CXADR: variants seen among roughly 807,000 people sequenced by gnomAD.
CXADR encodes the protein coxsackievirus and adenovirus receptor.
In CXADR, 20 loss-of-function variants were observed where a neutral mutation model predicts 40.3. That is an observed-to-expected ratio of 0.50 (90% CI 0.35 to 0.72). The LOEUF is 0.72. CXADR is among the 30% of genes least tolerant of loss of function. The pLI, the probability that CXADR is intolerant of heterozygous loss-of-function variation, is 0.01. For missense variants in CXADR, 332 were observed against 449.1 expected (o/e 0.74, Z 2.36); for synonymous variants, 150 against 161.3 (o/e 0.93, Z 0.53).
In CXADR at chr21:17,513,191, G is replaced by C. The variant is rs1258226280; in HGVS notation, c.43+19G>C. ...GTAGTGGGTGAGTAGGGGCCATGGGGTCCTCAGCACCCGCCCAGCCCGGGG... is the reference window on the plus strand; with the variant it reads ...GTAGTGGGTGAGTAGGGGCCATGGGCTCCTCAGCACCCGCCCAGCCCGGGG... On this transcript the variant is annotated intron_variant, in intron 1 of 6. Coordinates refer to ENST00000284878, the MANE Select transcript of CXADR (RefSeq NM_001338.5). 7.3e-7 allele frequency: 1 copy of C among 1,360,892 alleles called. No homozygotes were observed. The highest frequency in any genetic ancestry group is 2.0e-5 in the South Asian group (1 of 50,314). 84.3% of individuals were successfully genotyped at this position (1,360,892 alleles called of 1,614,324 possible). A position where few individuals can be genotyped will look rare whatever the true frequency, so the allele number is the denominator to read the frequency against.
chr21:17,593,124 A>G (rs1378781188), intron 7 of CXADR: 33 of 1,391,194 alleles, frequency 2.4e-5, no homozygotes, highest in Non-Finnish European at 3.0e-5. Flanking sequence ...AAACTCTTAT[A>G]GAGATATCTC....
chr21:17,617,501 C>T, the CXADR span, among the ~76,000 whole-genome samples: 1 of 152,134 alleles, frequency 6.6e-6, no homozygotes, highest in African/African-American at 2.4e-5. Flanking sequence ...CGGCATACCT[C>T]GGAGATATTG....
chr21:17,525,580 A>G (rs562261070), intron 1 of CXADR, among the ~76,000 whole-genome samples: 2 of 152,258 alleles, frequency 1.3e-5, no homozygotes, highest in South Asian at 4.1e-4. Context: ...GATTTCTGTC[A>G]AGGACCAGAT....
intron 1 of CXADR, among the ~76,000 whole-genome samples, chr21:17,513,666 C>T (rs1489760227): frequency 6.6e-6 from 1 of 152,222 alleles, no homozygotes. Flanking sequence ...TGCCCGGTGC[C>T]TCGGATCGGC....
Position 17,513,187 on chromosome 21 carries a change from T to G in CXADR, c.43+15T>G. 1 of 1,361,364 alleles carries G rather than the reference T, an allele frequency of 7.3e-7. No homozygotes were observed. Among genetic ancestry groups the G allele is most frequent in the Non-Finnish European group, 9.5e-7 (1 of 1,054,040 alleles). 84.3% of individuals were successfully genotyped at this position (1,361,364 alleles called of 1,614,324 possible). On this transcript the variant is annotated intron_variant, in intron 1 of 6. Coordinates refer to ENST00000284878, the MANE Select transcript of CXADR (RefSeq NM_001338.5). ...CGGAGTAGTGGGTGAGTAGGGGCCA[T>G]GGGGTCCTCAGCACCCGCCCAGCCC...
chr21:17,599,213 T>C, the CXADR span: 3 of 186,710 alleles, frequency 1.6e-5, no homozygotes, highest in Non-Finnish European at 3.3e-5. Context: ...TTTCACTCTG[T>C]TGCCCAGGCT....
At chr21:17,584,768 T>C (rs1473826613) in intron 7 of CXADR, among the ~76,000 whole-genome samples, 1 of 152,030 alleles carries the variant, frequency 6.6e-6, no homozygotes, top group Non-Finnish European at 1.5e-5. Context: ...GAGGCGGAGG[T>C]TGCAGTGAGC....
downstream of CXADR, among the ~76,000 whole-genome samples, chr21:17,594,996 T>C (rs999493842): frequency 6.9e-6 from 1 of 144,402 alleles, no homozygotes; most frequent in African/African-American, 2.6e-5. Context: ...AAACCTAAAA[T>C]AAAAGTTAAA....
intron 3 of CXADR, among the ~76,000 whole-genome samples, chr21:17,555,965 TG>T (rs2061029736): frequency 6.6e-6 from 1 of 152,226 alleles, no homozygotes; most frequent in Non-Finnish European, 1.5e-5. Flanking sequence ...TCCAGTAGAC[TG>T]GTGCAGCCAC....
chr21:17,524,575 CAAAAAAAAAAA>C (rs71189539), intron 1 of CXADR, among the ~76,000 whole-genome samples: 5 of 43,828 alleles, frequency 1.1e-4, no homozygotes, highest in African/African-American at 3.9e-4. Flanking sequence ...GACTCTATCT[CAAAAAAAAAAA>C]AAAAAAAAAA....
chr21:17,568,694 T>TC lies in CXADR; in HGVS notation c.*3003dup. The stretch of plus-strand genomic sequence containing the variant: ...GTGTGAGCCGCAGCATCCAGCCAGT[T>TC]CTGTACTTTGAATATGGAGTAGTTT... On this transcript the variant is annotated 3_prime_UTR_variant, in exon 7 of 7. Transcript: ENST00000284878. The TC allele has an allele frequency of 1.0e-6, 1 of 985,282 alleles. No homozygotes were observed. The highest frequency in any genetic ancestry group is 1.2e-6 in the Non-Finnish European group (1 of 829,922). 61.0% of individuals were successfully genotyped at this position (985,282 alleles called of 1,614,324 possible). A position where few individuals can be genotyped will look rare whatever the true frequency, so the allele number is the denominator to read the frequency against.
the CXADR span, among the ~76,000 whole-genome samples, chr21:17,609,726 GCAGTATT>G: frequency 6.6e-6 from 1 of 152,170 alleles, no homozygotes; most frequent in African/African-American, 2.4e-5. Flanking sequence ...AATGCCCATA[GCAGTATT>G]CATAATAGCT....
chr21:17,604,785 G>A, the CXADR span: 1 of 1,494,906 alleles, frequency 6.7e-7, no homozygotes, highest in Non-Finnish European at 9.0e-7. Flanking sequence ...TACACAGGCA[G>A]GCCGTACATG....
At chr21:17,532,183 C>T (rs211972) in intron 1 of CXADR, among the ~76,000 whole-genome samples, 109,106 of 151,856 alleles carry the variant, frequency 0.72, 39,263 homozygotes, top group African/African-American at 0.75. Context: ...TCTTCCTGCC[C>T]CAACCTCCCA....
intron 1 of CXADR, among the ~76,000 whole-genome samples, chr21:17,536,764 T>A (rs2123199405): frequency 6.6e-6 from 1 of 152,218 alleles, no homozygotes. Flanking sequence ...TTATTTATTT[T>A]TTTTCTTTTT....
Position 17,525,641 on chromosome 21 carries a change from A to G in CXADR, c.43+12469A>G, listed in dbSNP as rs1487136420. 2.0e-5 allele frequency among the ~76,000 whole-genome samples: 3 copies of G among 152,252 alleles called. No individual in the cohort carries two copies. In the South Asian group the frequency reaches 6.2e-4, roughly 31 times the overall value. On this transcript the variant is annotated intron_variant, in intron 1 of 6. Coordinates refer to ENST00000284878, the MANE Select transcript of CXADR (RefSeq NM_001338.5). ...CAGGGTAATTCTGCAGGAAGAATTGAGAAGACTCTTAACTTACTCAGTTGT... is the reference window on the plus strand; with the variant it reads ...CAGGGTAATTCTGCAGGAAGAATTGGGAAGACTCTTAACTTACTCAGTTGT...
rs1360838061 is a variant in CXADR, at chr21:17,565,943, T to C, written c.*251T>C. On this transcript the variant is annotated 3_prime_UTR_variant, in exon 7 of 7. Transcript: ENST00000284878. ...TTCTTTAAGAGGTTGATTATAAAGT[T>C]TTCTAAATTTATCAGTACCTAAGTA... The C allele has an allele frequency of 8.8e-7, 1 of 1,140,386 alleles. No homozygotes were observed. The highest frequency in any genetic ancestry group is 1.1e-6 in the Non-Finnish European group (1 of 927,718). The allele number at this position is 1,140,386 out of a possible 1,614,324, so 70.6% of individuals were successfully genotyped here. A position where few individuals can be genotyped will look rare whatever the true frequency, so the allele number is the denominator to read the frequency against.
At position 17,556,806 on chromosome 21, in the gene CXADR, G is replaced by A. The variant is rs74762492; in HGVS notation, c.416-2170G>A. Among the ~76,000 whole-genome samples, 1,265 of 152,290 alleles carry A rather than the reference G, an allele frequency of 8.3e-3. 71 individuals are homozygous for A. The East Asian group carries it at 0.16, about 19-fold the overall frequency. On this transcript the variant is annotated intron_variant, in intron 3 of 6. Coordinates refer to ENST00000284878, the MANE Select transcript of CXADR (RefSeq NM_001338.5). ...AATGTAAGTAGGAGCAGATGAAGGGGAATACAATTAAATTTGTTAAGGAGT... is the reference window on the plus strand; with the variant it reads ...AATGTAAGTAGGAGCAGATGAAGGGAAATACAATTAAATTTGTTAAGGAGT...
intron 1 of CXADR, 21 bp downstream of exon 1, chr21:17,513,193 C>T (rs1204854801): frequency 1.4e-5 from 19 of 1,358,060 alleles, no homozygotes; most frequent in East Asian, 3.1e-5. Flanking sequence ...GCCATGGGGT[C>T]CTCAGCACCC....
Sources: allele counts gnomAD v4.1 joint callset (sites outside exome capture counted in the v4.1 genomes callset), GRCh38; gene constraint gnomAD v4.1.1; transcripts MANE v1.5; gene names NCBI Gene and HGNC (gene_info 2026-07-23, HGNC 2026-07-21).